ITIH5: variants seen among roughly 807,000 people sequenced by gnomAD.
ITIH5 encodes the protein inter-alpha-trypsin inhibitor heavy chain 5, also known as inter-alpha-trypsin inhibitor heavy chain H5.
Under a neutral mutation model 77.5 loss-of-function variants are expected in ITIH5, and 65 were observed. That is an observed-to-expected ratio of 0.84 (90% CI 0.69 to 1.03). The LOEUF (loss-of-function observed/expected upper bound fraction) is 1.03, where lower values mean the gene tolerates loss of function less well. Ranked by LOEUF, ITIH5 falls within the 50% of genes least tolerant of loss-of-function variation. The probability of loss-of-function intolerance (pLI) is 0.00; values close to 1 mark genes in which losing one functional copy is unlikely to be tolerated. For synonymous variants in ITIH5, 525 were observed against 494.3 expected (o/e 1.06, Z -0.82); for missense variants, 1,208 against 1,213.1 (o/e 1.00, Z 0.06).
chr10:7,566,110 G>A lies in ITIH5; in HGVS notation c.2447C>T (p.Pro816Leu), dbSNP rs113898501. The A allele has an allele frequency of 3.8e-5, 61 of 1,613,988 alleles. No individual in the cohort carries two copies. The highest frequency in any genetic ancestry group is 2.8e-4 in the Admixed American group (17 of 59,982). ...FVILIHLYKK[P>L]APFQRHHLGF... is the part of the protein sequence containing the mutation. The stretch of plus-strand genomic sequence containing the variant: ...CAGGTGGTGTCGCTGGAAGGGCGCC[G>A]GCTTTTTGTAGAGGTGGATGAGGAT... Residue 816 changes from proline to leucine, a missense_variant, in exon 13 of 14, where the codon CCG becomes CTG. Coordinates refer to ENST00000397146, the MANE Select transcript of ITIH5 (RefSeq NM_030569.7).
chr10:7,659,153 G>A (rs181780651), intron 1 of ITIH5, among the ~76,000 whole-genome samples: 1 of 152,246 alleles, frequency 6.6e-6, no homozygotes, highest in Non-Finnish European at 1.5e-5. Flanking sequence ...GTGGTGAGTG[G>A]ATCACCTGAG....
chr10:7,637,322 G>C lies in ITIH5; in HGVS notation c.558C>G (p.Ser186Arg). Reference sequence around the variant, plus strand: ...CGCTCTCCAGGATATTCACGTCCACGCTCAGCCTCCCGGACAGCTGCTGGG... The same window carrying C: ...CGCTCTCCAGGATATTCACGTCCACCCTCAGCCTCCCGGACAGCTGCTGGG... ...VRPQQLSGRL[S>R]VDVNILESAG... Residue 186 changes from serine to arginine, a missense_variant, in exon 5 of 14, where the codon AGC becomes AGG. Transcript: ENST00000397146. The C allele has an allele frequency of 6.2e-7, 1 of 1,613,904 alleles. No homozygotes were observed. The highest frequency in any genetic ancestry group is 8.5e-7 in the Non-Finnish European group (1 of 1,180,030).
At chr10:7,579,542 A>G (rs779152473) in intron 9 of ITIH5, among the ~76,000 whole-genome samples, 3 of 151,746 alleles carry the variant, frequency 2.0e-5, no homozygotes, top group African/African-American at 2.4e-5. Context: ...AAAAAAAAAA[A>G]TCTTGCCTAA....
chr10:7,666,682 G>A (rs1173699373), intron 1 of ITIH5, 121 bp downstream of exon 1: 2 of 686,116 alleles, frequency 2.9e-6, no homozygotes, highest in Admixed American at 2.9e-5. Flanking sequence ...AGGGACCCCT[G>A]GGCCTCTGGT....
rs1289590153 is a variant in ITIH5 at position 7,641,650 on chromosome 10, A to AAGGG, written c.299+273_299+276dup. On this transcript the variant is annotated intron_variant, in intron 3 of 13. Transcript: ENST00000397146. ...GGGAAGGAAAGAAAAGGAAGGAAGG[A>AAGGG]AGGGAGGGAGGGAGGGAGGGAGGCA... Among the ~76,000 whole-genome samples, 653 of 83,048 alleles carry AAGGG rather than the reference A, an allele frequency of 7.9e-3. 10 individuals are homozygous for AAGGG. The highest frequency in any genetic ancestry group is 0.024 in the African/African-American group (482 of 20,112). 54.5% of individuals were successfully genotyped at this position (83,048 alleles called of 152,430 possible).
At chr10:7,656,259 G>A (rs1834179923) in intron 1 of ITIH5, among the ~76,000 whole-genome samples, 2 of 152,164 alleles carry the variant, frequency 1.3e-5, no homozygotes, top group African/African-American at 4.8e-5. Flanking sequence ...GTGTTGCTCA[G>A]GTTGGAGGGC....
chr10:7,664,904 C>T (rs1379627022), intron 1 of ITIH5, among the ~76,000 whole-genome samples: 1 of 152,160 alleles, frequency 6.6e-6, no homozygotes, highest in Non-Finnish European at 1.5e-5. Context: ...ATTGCATCAT[C>T]CCCATACAGA....
At chr10:7,594,603 G>C (rs1242457494) in intron 7 of ITIH5, among the ~76,000 whole-genome samples, 1 of 146,278 alleles carries the variant, frequency 6.8e-6, no homozygotes, top group African/African-American at 2.5e-5. Context: ...CAGGGTACAG[G>C]CCTGATTCGC....
chr10:7,569,613 G>C, intron 12 of ITIH5, 55 bp downstream of exon 12: 1 of 1,093,414 alleles, frequency 9.1e-7, no homozygotes, highest in Non-Finnish European at 1.3e-6. Context: ...AACAGAGGGG[G>C]ATGCAGTACC....
chr10:7,579,940 G>A lies in ITIH5; in HGVS notation c.1233C>T (p.Val411=), dbSNP rs781569747. ...GGATCTTGAGGGTGTGCGTCTCCCC[G>A]ACCGTGGGCTTCCCATCCGTCAGGA... ...IVFLTDGKPT[V]GETHTLKILN... The change falls in exon 9 of 14, where the codon GTC becomes GTT. Residue 411 remains valine (V), a synonymous_variant. Transcript: ENST00000397146. 1.9e-5 allele frequency: 31 copies of A among 1,614,160 alleles called. No individual in the cohort carries two copies. The highest frequency in any genetic ancestry group is 3.3e-4 in the Middle Eastern group (2 of 6,062).
intron 3 of ITIH5, among the ~76,000 whole-genome samples, 158 bp downstream of exon 3, chr10:7,641,769 C>A (rs1305742821): frequency 6.6e-6 from 1 of 151,738 alleles, no homozygotes; most frequent in Non-Finnish European, 1.5e-5. Context: ...AATGAATGAA[C>A]CAACCAATGA....
intron 9 of ITIH5, among the ~76,000 whole-genome samples, chr10:7,579,084 ATG>A (rs1832482630): frequency 6.6e-6 from 1 of 152,270 alleles, no homozygotes; most frequent in East Asian, 1.9e-4. Flanking sequence ...TCAATGAACT[ATG>A]AGAGCTCATT....
chr10:7,641,265 A>G (rs1833880392), intron 3 of ITIH5, among the ~76,000 whole-genome samples: 1 of 152,116 alleles, frequency 6.6e-6, no homozygotes, highest in Non-Finnish European at 1.5e-5. Flanking sequence ...TTGTCTTTCA[A>G]CCCTCAACTT....
At position 7,585,534 on chromosome 10, in the gene ITIH5, G is replaced by A. The variant is rs61051000; in HGVS notation, c.1108+367C>T. On this transcript the variant is annotated intron_variant, in intron 8 of 13. Coordinates refer to ENST00000397146, the MANE Select transcript of ITIH5 (RefSeq NM_030569.7). ...ACCTGCCCCTGCCCAAGGTGCGCAC[G>A]AAACACTGGCTGGTCCACGTGGCTG... Among the ~76,000 whole-genome samples the A allele has an allele frequency of 9.8e-3, 1,491 of 152,262 alleles. 20 individuals carry two copies. Among genetic ancestry groups the A allele is most frequent in the African/African-American group, 0.034 (1,427 of 41,524 alleles).
intron 7 of ITIH5, among the ~76,000 whole-genome samples, chr10:7,603,773 C>A (rs533498148): frequency 6.6e-6 from 1 of 152,004 alleles, no homozygotes; most frequent in Non-Finnish European, 1.5e-5. Flanking sequence ...TTAGTAGAGA[C>A]GAGGTTTCAC....
chr10:7,637,439 A>G lies in ITIH5; in HGVS notation c.441T>C (p.Ile147=). 1.2e-6 allele frequency: 2 copies of G among 1,613,956 alleles called. No homozygotes were observed. Among genetic ancestry groups the G allele is most frequent in the South Asian group, 2.2e-5 (2 of 91,070 alleles). The change falls in exon 5 of 14, where the codon ATT becomes ATC. Residue 147 remains isoleucine, a synonymous_variant. Transcript: ENST00000397146. Reference sequence around the variant, plus strand: ...AAAAGGCGGCTTTGTCCTTGCTGGGAATCACTGCAGAAGCTCTGAATATTT... The same window carrying G: ...AAAAGGCGGCTTTGTCCTTGCTGGGGATCACTGCAGAAGCTCTGAATATTT... ...GTEIFRASAV[I]PSKDKAAFFL...
chr10:7,566,270 C>G lies in ITIH5; in HGVS notation c.2287G>C (p.Val763Leu). ...AGTCTGTCCCCACCATCCAAGATGA[C>G]TCTGCTCGGTGTGATCTCGAGATAA... ...RSYLEITPSR[V>L]ILDGGDRLVL... Residue 763 changes from valine to leucine, a missense_variant, in exon 13 of 14, where the codon GTC becomes CTC. Physicochemically the swap from Val to Leu is conservative, Grantham distance 32. Transcript: ENST00000397146. 1 of 1,613,488 alleles carries G rather than the reference C, an allele frequency of 6.2e-7. No homozygotes were observed. Among genetic ancestry groups the G allele is most frequent in the South Asian group, 1.1e-5 (1 of 90,902 alleles).
chr10:7,565,609 A>G (rs2130936765), intron 13 of ITIH5, among the ~76,000 whole-genome samples: 1 of 148,740 alleles, frequency 6.7e-6, no homozygotes, highest in Non-Finnish European at 1.5e-5. Context: ...TTTATAATAT[A>G]TAATACATTA....
intron 10 of ITIH5, among the ~76,000 whole-genome samples, chr10:7,574,820 A>AC (rs1832376394): frequency 2.1e-5 from 3 of 142,724 alleles, no homozygotes; most frequent in Admixed American, 7.1e-5. Flanking sequence ...AAAAGCAAAA[A>AC]AAAACCCTTT....
Sources: allele counts gnomAD v4.1 joint callset (sites outside exome capture counted in the v4.1 genomes callset), GRCh38; gene constraint gnomAD v4.1.1; transcripts MANE v1.5; gene names NCBI Gene and HGNC (gene_info 2026-07-23, HGNC 2026-07-21).